The following ABLIM1 variants were observed in gnomAD, a reference collection of about 807,000 sequenced individuals.
The protein encoded by ABLIM1 is actin binding LIM protein 1.
ABLIM1 carries 40 observed loss-of-function variants against 107.0 expected under a neutral mutation model. That is an observed-to-expected ratio of 0.37 (90% confidence interval 0.29 to 0.49). ABLIM1 has a LOEUF of 0.49. ABLIM1 is among the 20% of genes least tolerant of loss of function. The pLI is 0.97. For synonymous variants in ABLIM1, 357 were observed against 357.3 expected (o/e 1.00, Z 0.01); for missense variants, 857 against 1,008.5 (o/e 0.85, Z 2.04).
chr10:114,725,041 A>T (rs907254828), intron 1 of ABLIM1, among the ~76,000 whole-genome samples: 2 of 152,204 alleles, frequency 1.3e-5, no homozygotes, highest in Non-Finnish European at 1.5e-5. Context: ...CACACAAAAT[A>T]ATTTAATACC....
intron 5 of ABLIM1, 135 bp from the exon 6 acceptor site, chr10:114,545,233 G>T (rs2067170802): frequency 6.4e-6 from 5 of 775,402 alleles, no homozygotes; most frequent in Non-Finnish European, 1.1e-5. Flanking sequence ...CACATGCCTG[G>T]CAATCCAGTC....
chr10:114,510,914 G>A (rs1487960307), intron 6 of ABLIM1, among the ~76,000 whole-genome samples: 1 of 151,968 alleles, frequency 6.6e-6, no homozygotes, highest in East Asian at 1.9e-4. Context: ...GTCTCCCAAA[G>A]TGCTGGGATT....
At chr10:114,721,534 T>C (rs902582634) in intron 1 of ABLIM1, among the ~76,000 whole-genome samples, 1 of 151,718 alleles carries the variant, frequency 6.6e-6, no homozygotes. Flanking sequence ...CAGGCTGGGG[T>C]GCAGTGGCAG....
rs147050905 is a variant in ABLIM1 at position 114,719,050 on chromosome 10, C to T, written c.-213+49011G>A. Among the ~76,000 whole-genome samples, 678 of 151,968 alleles carry T rather than the reference C, an allele frequency of 4.5e-3. 1 individual carries two copies. The highest frequency in any genetic ancestry group is 7.6e-3 in the Non-Finnish European group (515 of 67,984). On this transcript the variant is annotated intron_variant, in intron 1 of 15. Coordinates refer to the ABLIM1 transcript ENST00000651092. ...ACGTTATTATATAATAATGACCAAC[C>T]GTCATAGGGTAAACCTGGCAAGAAT... is the stretch of plus-strand genomic sequence containing the variant.
intron 1 of ABLIM1, among the ~76,000 whole-genome samples, chr10:114,763,300 T>G (rs909921180): frequency 2.0e-5 from 3 of 152,256 alleles, no homozygotes; most frequent in African/African-American, 7.2e-5. Context: ...CTTTGTATAA[T>G]TCCAGCCTGT....
At chr10:114,796,935 G>A in the ABLIM1 span, among the ~76,000 whole-genome samples, 3 of 152,190 alleles carry the variant, frequency 2.0e-5, no homozygotes, top group South Asian at 2.1e-4. Context: ...ATCCCAAACC[G>A]TGAACTTTCA....
intron 1 of ABLIM1, among the ~76,000 whole-genome samples, chr10:114,691,956 C>T (rs565003688): frequency 6.6e-6 from 1 of 152,238 alleles, no homozygotes; most frequent in African/African-American, 2.4e-5. Flanking sequence ...ACATACCTGC[C>T]CAAGAAATGT....
chr10:114,715,023 TA>T (rs2081631290), intron 1 of ABLIM1, among the ~76,000 whole-genome samples: 1 of 151,864 alleles, frequency 6.6e-6, no homozygotes, highest in Admixed American at 6.6e-5. Flanking sequence ...GAAAGAAAAA[TA>T]AAAGGAAGAA....
Position 114,601,424 on chromosome 10 carries a change from C to T in ABLIM1, c.379+403G>A, listed in dbSNP as rs533903434. On this transcript the variant is annotated intron_variant, in intron 2 of 22. Transcript: ENST00000533213. ...GGGATTACAGACGCCCACCACTGCACCCAGCTAATTTTTTTATTCTTAGTA... is the reference window on the plus strand; with the variant it reads ...GGGATTACAGACGCCCACCACTGCATCCAGCTAATTTTTTTATTCTTAGTA... Among the ~76,000 whole-genome samples the T allele has an allele frequency of 7.2e-5, 11 of 152,102 alleles. No individual in the cohort carries two copies. In the East Asian group the frequency reaches 1.4e-3, roughly 19 times the overall value.
At position 114,698,397 on chromosome 10, in the gene ABLIM1, G is replaced by T. The variant is rs1171820939; in HGVS notation, c.-213+69664C>A. 3.6e-4 allele frequency among the ~76,000 whole-genome samples: 50 copies of T among 140,338 alleles called. 2 individuals carry two copies. The allele number at this position is 140,338 out of a possible 152,430, so 92.1% of individuals were successfully genotyped here. A position where few individuals can be genotyped will look rare whatever the true frequency, so the allele number is the denominator to read the frequency against. Reference sequence around the variant, plus strand: ...CCATAAAGTAGAGCAAAATAAAGGAGATTAAAAATGTAAAAAAAAAAAAAA... The same window carrying T: ...CCATAAAGTAGAGCAAAATAAAGGATATTAAAAATGTAAAAAAAAAAAAAA... On this transcript the variant is annotated intron_variant, in intron 1 of 15. Coordinates refer to the ABLIM1 transcript ENST00000651092.
intron 12 of ABLIM1, among the ~76,000 whole-genome samples, chr10:114,455,259 T>C (rs1008823639): frequency 6.2e-4 from 94 of 152,340 alleles, no homozygotes; most frequent in African/African-American, 2.0e-3. Context: ...CTTTTGGTTA[T>C]TGGTGTTCTG....
chr10:114,550,601 A>T (rs946603350), intron 4 of ABLIM1, among the ~76,000 whole-genome samples: 13 of 152,058 alleles, frequency 8.5e-5, no homozygotes, highest in Admixed American at 8.5e-4. Context: ...TTCAGTCTTG[A>T]TGTTGGACAT....
chr10:114,785,098 C>T, the ABLIM1 span, among the ~76,000 whole-genome samples: 12 of 152,310 alleles, frequency 7.9e-5, no homozygotes, highest in South Asian at 8.3e-4. Context: ...AGTGCCACCT[C>T]GTACAAAGTT....
At chr10:114,654,360 C>T (rs10885592) in intron 1 of ABLIM1, among the ~76,000 whole-genome samples, 12,430 of 152,252 alleles carry the variant, frequency 0.082, 990 homozygotes, top group East Asian at 0.45. Flanking sequence ...CTAATGCTGA[C>T]TATATTGCAA....
At chr10:114,440,150 T>C in intron 19 of ABLIM1, 61 bp from the exon 20 acceptor site, 1 of 1,479,258 alleles carries the variant, frequency 6.8e-7, no homozygotes, top group South Asian at 1.1e-5. Context: ...CAAGGAACCA[T>C]TCACAGACTA....
At chr10:114,751,702 A>G (rs1833486967) in intron 1 of ABLIM1, among the ~76,000 whole-genome samples, 1 of 150,846 alleles carries the variant, frequency 6.6e-6, no homozygotes. Flanking sequence ...GTGAGCCAAG[A>G]TTACACCACT....
chr10:114,527,021 T>A (rs1043644298), intron 6 of ABLIM1: 22 of 960,638 alleles, frequency 2.3e-5, no homozygotes, highest in African/African-American at 5.3e-5. Flanking sequence ...TTTCTTTTTT[T>A]AAATGCAGGT....
chr10:114,456,128 T>C (rs2062780333), intron 12 of ABLIM1, among the ~76,000 whole-genome samples: 1 of 152,206 alleles, frequency 6.6e-6, no homozygotes, highest in Non-Finnish European at 1.5e-5. Context: ...ACTGCAACTT[T>C]AAGCAAAACA....
At chr10:114,440,982 C>T (rs747860799) in intron 19 of ABLIM1, 35 bp downstream of exon 19, 27 of 1,565,928 alleles carry the variant, frequency 1.7e-5, no homozygotes, top group African/African-American at 4.1e-5. Context: ...CGAGGGAAGA[C>T]GTGGCCATGC....
Sources: allele counts gnomAD v4.1 joint callset (sites outside exome capture counted in the v4.1 genomes callset), GRCh38; gene constraint gnomAD v4.1.1; transcripts MANE v1.5; gene names NCBI Gene and HGNC (gene_info 2026-07-23, HGNC 2026-07-21).